The following FSTL4 variants were observed in gnomAD, a reference collection of about 807,000 sequenced individuals.
FSTL4 encodes the protein follistatin-related protein 4.
In FSTL4, 28 loss-of-function variants were observed where a neutral mutation model predicts 78.2. The observed-to-expected ratio is 0.36, with a 90% CI of 0.27 to 0.49. FSTL4 has a LOEUF of 0.49. FSTL4 is among the 20% of genes least tolerant of loss of function. The pLI is 0.98. For synonymous variants in FSTL4, 422 were observed against 440.5 expected (o/e 0.96, Z 0.53); for missense variants, 922 against 1,084.9 (o/e 0.85, Z 2.11).
chr5:133,827,901 A>G, the FSTL4 span, among the ~76,000 whole-genome samples: 90 of 152,214 alleles, frequency 5.9e-4, no homozygotes, highest in Middle Eastern at 6.8e-3. Flanking sequence ...GGTCAGCCAC[A>G]CCCTGTGCGT....
chr5:133,641,493 A>G, the FSTL4 span, among the ~76,000 whole-genome samples: 2 of 152,190 alleles, frequency 1.3e-5, no homozygotes, highest in Non-Finnish European at 2.9e-5. Context: ...CAATGTTATA[A>G]TAAGTATAAA....
the FSTL4 span, among the ~76,000 whole-genome samples, chr5:133,790,399 G>A: frequency 6.6e-6 from 1 of 152,118 alleles, no homozygotes; most frequent in Non-Finnish European, 1.5e-5. Context: ...ATGAAAAGAG[G>A]GAATGCTGGG....
chr5:133,830,956 TC>T, the FSTL4 span, among the ~76,000 whole-genome samples: 1 of 152,246 alleles, frequency 6.6e-6, no homozygotes, highest in Middle Eastern at 3.4e-3. Context: ...ATCCAGGGCC[TC>T]CCAGCTCTCC....
At position 133,426,432 on chromosome 5, in the gene FSTL4, C is replaced by G. The variant is rs1228913790; in HGVS notation, c.161-25446G>C. Among the ~76,000 whole-genome samples the G allele has an allele frequency of 2.6e-5, 4 of 152,130 alleles. No individual in the cohort carries two copies. Among genetic ancestry groups the G allele is most frequent in the Non-Finnish European group, 5.9e-5 (4 of 68,024 alleles). On this transcript the variant is annotated intron_variant, in intron 3 of 15. Transcript: ENST00000265342. The surrounding 1 kb of genome is among the most constrained non-coding windows in gnomAD (Gnocchi z 5.0). The stretch of plus-strand genomic sequence containing the variant: ...GGCAGATGAATAGCGCTGCCCTGCC[C>G]CCTCCGCACTCCCTAATTGGAGAAT...
chr5:133,740,181 G>A, the FSTL4 span, among the ~76,000 whole-genome samples: 4 of 152,118 alleles, frequency 2.6e-5, no homozygotes, highest in African/African-American at 9.7e-5. Flanking sequence ...ACCACACCCA[G>A]TCCGAAACAT....
At chr5:133,469,944 A>G (rs1407118370) in intron 3 of FSTL4, among the ~76,000 whole-genome samples, 2 of 149,048 alleles carry the variant, frequency 1.3e-5, no homozygotes, top group African/African-American at 2.5e-5. Context: ...TCTTATGCAG[A>G]AAAAAAAAAC....
At chr5:133,354,789 C>T (rs889844443) in intron 4 of FSTL4, among the ~76,000 whole-genome samples, 1 of 152,262 alleles carries the variant, frequency 6.6e-6, no homozygotes, top group Non-Finnish European at 1.5e-5. Context: ...CTCACGTCAC[C>T]TACATCACAC....
intron 3 of FSTL4, among the ~76,000 whole-genome samples, chr5:133,515,991 A>G: frequency 6.6e-6 from 1 of 152,324 alleles, no homozygotes; most frequent in Middle Eastern, 3.4e-3. Flanking sequence ...GCAAAAATAA[A>G]TAAATAAAAA....
chr5:133,470,821 C>T (rs1292032790), intron 3 of FSTL4, among the ~76,000 whole-genome samples: 2 of 143,008 alleles, frequency 1.4e-5, no homozygotes, highest in Non-Finnish European at 3.1e-5. Context: ...TAAATAAAAA[C>T]ATGAGTCTTG....
At chr5:133,567,773 A>C (rs1760059900) in intron 2 of FSTL4, among the ~76,000 whole-genome samples, 1 of 152,226 alleles carries the variant, frequency 6.6e-6, no homozygotes, top group South Asian at 2.1e-4. Context: ...CACTGGACTA[A>C]ATTAAGCCCT....
the FSTL4 span, among the ~76,000 whole-genome samples, chr5:133,756,528 A>G: frequency 5.9e-3 from 893 of 152,056 alleles, 9 homozygotes; most frequent in African/African-American, 0.02. Context: ...TCTAAATTCC[A>G]CCAGTTTAAG....
chr5:133,222,873 C>G (rs117782626), intron 11 of FSTL4, among the ~76,000 whole-genome samples: 1 of 152,326 alleles, frequency 6.6e-6, no homozygotes, highest in East Asian at 1.9e-4. Flanking sequence ...CATTTTGGCT[C>G]CTTATCCCTA....
intron 3 of FSTL4, among the ~76,000 whole-genome samples, chr5:133,503,488 G>A (rs1052985671): frequency 1.3e-5 from 2 of 152,080 alleles, no homozygotes; most frequent in Non-Finnish European, 2.9e-5. Context: ...GTTGTCTTGA[G>A]GGAATTCAGA....
At chr5:133,777,444 G>C in the FSTL4 span, among the ~76,000 whole-genome samples, 4 of 152,030 alleles carry the variant, frequency 2.6e-5, no homozygotes, top group Non-Finnish European at 5.9e-5. Flanking sequence ...CTTATGTCTT[G>C]TTATGACCTT....
chr5:133,558,584 T>C (rs575199943), intron 3 of FSTL4, among the ~76,000 whole-genome samples: 1 of 152,248 alleles, frequency 6.6e-6, no homozygotes, highest in Admixed American at 6.5e-5. Flanking sequence ...CTCCCTGACT[T>C]CCTGGAGAGT....
the FSTL4 span, among the ~76,000 whole-genome samples, chr5:133,625,760 C>CATATATATTCCATATATATTCCATAT: frequency 1.1e-4 from 2 of 18,466 alleles, 1 homozygote; most frequent in Non-Finnish European, 1.8e-4. Context: ...ATATATATTC[C>CATATATATTCCATATATATTCCATAT]ATATATATTC....
intron 3 of FSTL4, among the ~76,000 whole-genome samples, chr5:133,418,699 G>A (rs78697593): frequency 0.023 from 3,541 of 152,270 alleles, 62 homozygotes; most frequent in South Asian, 0.067. Context: ...TGAGAGGATG[G>A]AAATAGCATT....
intron 4 of FSTL4, among the ~76,000 whole-genome samples, chr5:133,351,194 T>C (rs1330835501): frequency 1.3e-5 from 2 of 152,224 alleles, no homozygotes; most frequent in African/African-American, 4.8e-5. Flanking sequence ...TGGCATCTGT[T>C]GTGTTTTTTT....
At chr5:133,309,345 A>G (rs1310337299) in intron 6 of FSTL4, among the ~76,000 whole-genome samples, 1 of 152,142 alleles carries the variant, frequency 6.6e-6, no homozygotes, top group East Asian at 1.9e-4. Flanking sequence ...ATGCAAAGAG[A>G]ACGTTTAGTT....
Sources: allele counts gnomAD v4.1 joint callset (sites outside exome capture counted in the v4.1 genomes callset), GRCh38; gene constraint gnomAD v4.1.1; non-coding constraint Gnocchi (gnomAD v3.1); transcripts MANE v1.5; gene names NCBI Gene and HGNC (gene_info 2026-07-23, HGNC 2026-07-21).